Variants in SYNE2 observed in about 807,000 individuals in gnomAD.
SYNE2 encodes spectrin repeat containing nuclear envelope protein 2, also known as nesprin-2.
Under a neutral mutation model 856.3 loss-of-function variants are expected in SYNE2, and 431 were observed. The observed-to-expected ratio is 0.50, with a 90% CI of 0.47 to 0.55. The LOEUF (loss-of-function observed/expected upper bound fraction) is 0.55. Among genes scored for constraint, SYNE2 ranks in the 20% least tolerant of loss-of-function variants. SYNE2 has a pLI of 0.00. For synonymous variants in SYNE2, 2,923 were observed against 2,872.3 expected (o/e 1.02, Z -0.56); for missense variants, 8,129 against 8,023.2 (o/e 1.01, Z -0.50).
rs755359391 is a variant in SYNE2, at chr14:64,093,493, C to G, written c.12108+13C>G. The G allele has an allele frequency of 3.7e-6, 6 of 1,613,942 alleles. No individual in the cohort carries two copies. In the South Asian group the frequency reaches 4.4e-5, roughly 12 times the overall value. ...GCCACAACTACAGGTATGTTTCTTT[C>G]ATTCATAAAGGTATGTTTCATTTGT... On this transcript the variant is annotated intron_variant, in intron 61 of 115. Coordinates refer to ENST00000555002, the MANE Select transcript of SYNE2 (RefSeq NM_182914.3).
chr14:64,030,105 C>T (rs1594976886), intron 44 of SYNE2, 46 bp downstream of exon 44: 1 of 1,559,936 alleles, frequency 6.4e-7, no homozygotes, highest in South Asian at 1.1e-5. Context: ...AAAAAAAAAT[C>T]AGTGTTAATT....
intron 47 of SYNE2, among the ~76,000 whole-genome samples, chr14:64,051,316 T>C (rs950394525): frequency 6.6e-6 from 1 of 151,722 alleles, no homozygotes; most frequent in African/African-American, 2.4e-5. Context: ...TTCTTTGCTT[T>C]TTTTTTTTCA....
At chr14:64,224,658 G>A in intron 114 of SYNE2, 111 bp downstream of exon 114, 1 of 1,200,398 alleles carries the variant, frequency 8.3e-7, no homozygotes, top group Non-Finnish European at 1.2e-6. Flanking sequence ...GACAGCACAG[G>A]TCTCTGCTGA....
chr14:63,832,585 A>G (rs1889709863), intron 1 of SYNE2, among the ~76,000 whole-genome samples: 1 of 152,114 alleles, frequency 6.6e-6, no homozygotes, highest in African/African-American at 2.4e-5. Flanking sequence ...TTATGACAGA[A>G]GTGCATGATT....
chr14:63,930,462 G>A (rs560137683), intron 2 of SYNE2, among the ~76,000 whole-genome samples: 4 of 151,812 alleles, frequency 2.6e-5, no homozygotes, highest in African/African-American at 7.2e-5. Context: ...TCATGTGCTG[G>A]GACCCTTCCA....
intron 45 of SYNE2, among the ~76,000 whole-genome samples, chr14:64,035,375 G>GA (rs1217827805): frequency 6.6e-6 from 1 of 152,060 alleles, no homozygotes; most frequent in African/African-American, 2.4e-5. Context: ...AGTTATAACA[G>GA]AGCACATAGT....
chr14:63,949,871 C>T lies in SYNE2; in HGVS notation c.455C>T (p.Ser152Phe). 1 of 1,614,162 alleles carries T rather than the reference C, an allele frequency of 6.2e-7. No homozygotes were observed. Among genetic ancestry groups the T allele is most frequent in the Non-Finnish European group, 8.5e-7 (1 of 1,180,004 alleles). ...CTTTCTTGCAATTACAATCAGCCTT[C>T]CCTGGATGATGTGAGTGTGGTTGAC... ...QTLSCNYNQP[S>F]LDDVSVVDSS... The change falls in exon 7 of 116, where the codon TCC (serine) becomes TTC (phenylalanine). Residue 152 changes from serine (S) to phenylalanine (F), a missense_variant. Around this residue, in one of 3 missense-constraint regions of SYNE2, gnomAD observed 2,422 missense variants for 2,357.4 expected, o/e 1.03. Transcript: ENST00000555002.
intron 37 of SYNE2, among the ~76,000 whole-genome samples, 160 bp from the exon 38 acceptor site, chr14:64,022,591 T>C (rs528181316): frequency 1.8e-4 from 27 of 152,126 alleles, no homozygotes; most frequent in Admixed American, 1.5e-3. Context: ...TGAAACCTTG[T>C]CTAGGCTTTA....
intron 1 of SYNE2, among the ~76,000 whole-genome samples, chr14:63,788,730 T>C (rs1042155699): frequency 6.6e-6 from 1 of 152,250 alleles, no homozygotes. Context: ...GCCTGGCTTA[T>C]TTCACTTAAC....
At chr14:63,788,923 AGCAC>A (rs1258720717) in intron 1 of SYNE2, among the ~76,000 whole-genome samples, 5 of 152,234 alleles carry the variant, frequency 3.3e-5, no homozygotes, top group Non-Finnish European at 2.9e-5. Flanking sequence ...TGTTTATTGC[AGCAC>A]TGTTCACAGT....
chr14:63,876,834 G>C (rs182512534), intron 1 of SYNE2, among the ~76,000 whole-genome samples: 1 of 152,054 alleles, frequency 6.6e-6, no homozygotes, highest in Admixed American at 6.6e-5. Context: ...CAAATAAACC[G>C]AGAGAATACA....
chr14:63,801,866 T>C (rs373454884), intron 1 of SYNE2, among the ~76,000 whole-genome samples: 2 of 143,986 alleles, frequency 1.4e-5, no homozygotes, highest in Admixed American at 7.1e-5. Flanking sequence ...CATTTAAGTT[T>C]TTATAAGTAT....
chr14:63,815,206 ATATATATATCCATATATATATC>A (rs1888913774), intron 1 of SYNE2, among the ~76,000 whole-genome samples: 5 of 46,274 alleles, frequency 1.1e-4, no homozygotes, highest in Non-Finnish European at 2.0e-4. Flanking sequence ...ATATATATCC[ATATATATATCCATATATATATC>A]CATATATATA....
At chr14:64,196,912 T>G (rs1323554699) in intron 99 of SYNE2, 1 of 152,186 alleles carries the variant, frequency 6.6e-6, no homozygotes, top group East Asian at 1.9e-4. Flanking sequence ...CATTGCCCTG[T>G]GCCTGCGAGC....
chr14:64,116,451 GCTCTCA>G (rs2097854496), intron 66 of SYNE2, among the ~76,000 whole-genome samples: 1 of 151,896 alleles, frequency 6.6e-6, no homozygotes, highest in African/African-American at 2.4e-5. Context: ...GTGAAGTCTC[GCTCTCA>G]CCCAGGCTGG....
intron 1 of SYNE2, among the ~76,000 whole-genome samples, chr14:63,773,947 A>G (rs1008889768): frequency 1.3e-5 from 2 of 152,238 alleles, no homozygotes; most frequent in Non-Finnish European, 2.9e-5. Flanking sequence ...TTTTACACCT[A>G]TAATAAAATT....
chr14:63,890,733 T>G (rs921520236), intron 1 of SYNE2, among the ~76,000 whole-genome samples: 1 of 152,216 alleles, frequency 6.6e-6, no homozygotes, highest in African/African-American at 2.4e-5. Flanking sequence ...CTGGCAGCCT[T>G]CCCATCCCCA....
At chr14:64,050,828 G>T (rs1162915598) in intron 47 of SYNE2, among the ~76,000 whole-genome samples, 3 of 152,024 alleles carry the variant, frequency 2.0e-5, no homozygotes, top group Admixed American at 6.6e-5. Context: ...AGACCAGCTT[G>T]GCCAACATGG....
chr14:64,081,112 G>A (rs995801234), intron 56 of SYNE2, among the ~76,000 whole-genome samples: 7 of 152,178 alleles, frequency 4.6e-5, no homozygotes, highest in Admixed American at 3.3e-4. Context: ...GTAGGGCAAG[G>A]TCCTGAACAG....
Sources: gnomAD v4.1 joint callset for allele counts (sites outside exome capture counted in the v4.1 genomes callset) on GRCh38, gnomAD v4.1.1 for gene constraint, gnomAD v4.1.1 regional missense constraint, MANE v1.5 for transcripts, NCBI Gene and HGNC (gene_info 2026-07-23, HGNC 2026-07-21) for gene names.